Variants in RBFOX1 observed in about 807,000 individuals in gnomAD.
RBFOX1 encodes the protein RNA binding fox-1 homolog 1.
In RBFOX1, 8 loss-of-function variants were observed where a neutral mutation model predicts 57.7. That is an observed-to-expected ratio of 0.14 (90% confidence interval 0.08 to 0.25). The LOEUF (loss-of-function observed/expected upper bound fraction) is 0.25. Among genes scored for constraint, RBFOX1 ranks in the 10% least tolerant of loss-of-function variants. The pLI, the probability that RBFOX1 is intolerant of heterozygous loss-of-function variation, is 1.00. For synonymous variants in RBFOX1, 326 were observed against 222.4 expected (o/e 1.47, Z -4.15); for missense variants, 611 against 548.5 (o/e 1.11, Z -1.14).
intron 14 of RBFOX1, among the ~76,000 whole-genome samples, chr16:7,688,925 GATTA>G (rs371706719): frequency 1.3e-5 from 2 of 152,002 alleles, no homozygotes; most frequent in African/African-American, 4.8e-5. Flanking sequence ...CCTCACTGCT[GATTA>G]AATACCCCCT....
rs557653356 is a variant in RBFOX1, at chr16:7,572,378, G to A, written c.271-7399G>A. Among the ~76,000 whole-genome samples the A allele has an allele frequency of 3.9e-5, 6 of 152,256 alleles. No individual in the cohort carries two copies. The South Asian group carries it at 1.0e-3, about 26-fold the overall frequency. ...CAGATATTTACTGAGAACTTACCAC[G>A]GACTCCAGGTCAGCAGTTTCAAGTG... On this transcript the variant is annotated intron_variant, in intron 5 of 15. Coordinates refer to ENST00000550418, the MANE Select transcript of RBFOX1 (RefSeq NM_018723.4).
At chr16:6,994,395 T>C (rs1461775445) in intron 3 of RBFOX1, among the ~76,000 whole-genome samples, 1 of 152,124 alleles carries the variant, frequency 6.6e-6, no homozygotes, top group African/African-American at 2.4e-5. Flanking sequence ...AAAACATGAA[T>C]AGTGCATGGG....
intron 3 of RBFOX1, among the ~76,000 whole-genome samples, chr16:5,782,308 G>T (rs2054349018): frequency 6.6e-6 from 1 of 152,198 alleles, no homozygotes; most frequent in Non-Finnish European, 1.5e-5. Context: ...ATTTCACAAT[G>T]ACATCTTGGT....
chr16:6,761,762 C>T (rs1195726517), intron 3 of RBFOX1, among the ~76,000 whole-genome samples: 3 of 151,898 alleles, frequency 2.0e-5, no homozygotes, highest in Non-Finnish European at 2.9e-5. Flanking sequence ...GCCTCGGCCC[C>T]CTAAAGTGCT....
chr16:6,764,048 G>A (rs1027399367), intron 3 of RBFOX1, among the ~76,000 whole-genome samples: 1 of 152,178 alleles, frequency 6.6e-6, no homozygotes, highest in Non-Finnish European at 1.5e-5. Flanking sequence ...ATGATAAACT[G>A]TACTTGGGTG....
At chr16:6,050,472 T>C (rs1469760720) in intron 1 of RBFOX1, among the ~76,000 whole-genome samples, 1 of 152,332 alleles carries the variant, frequency 6.6e-6, no homozygotes, top group East Asian at 1.9e-4. Flanking sequence ...CTAGGTCAGA[T>C]GCAAGTTCCA....
At chr16:5,373,588 G>C (rs1449763048) in intron 1 of RBFOX1, among the ~76,000 whole-genome samples, 1 of 151,726 alleles carries the variant, frequency 6.6e-6, no homozygotes, top group Non-Finnish European at 1.5e-5. Context: ...AGAACCGTGA[G>C]CCAGTTAAAC....
At chr16:6,934,231 G>C (rs1468226646) in intron 3 of RBFOX1, among the ~76,000 whole-genome samples, 1 of 152,136 alleles carries the variant, frequency 6.6e-6, no homozygotes, top group Non-Finnish European at 1.5e-5. Context: ...ACTACAGAGC[G>C]GTAACTTGAG....
intron 3 of RBFOX1, among the ~76,000 whole-genome samples, chr16:6,671,082 G>A (rs1411673971): frequency 1.3e-5 from 2 of 152,168 alleles, no homozygotes; most frequent in African/African-American, 2.4e-5. Flanking sequence ...GTACTCATAC[G>A]TATGAACAAC....
At chr16:6,538,887 T>C (rs1418966047) in intron 2 of RBFOX1, among the ~76,000 whole-genome samples, 1 of 152,194 alleles carries the variant, frequency 6.6e-6, no homozygotes, top group Non-Finnish European at 1.5e-5. Context: ...AGGGATTAGC[T>C]CCTCTTTCCA....
intron 3 of RBFOX1, among the ~76,000 whole-genome samples, chr16:6,765,562 G>C (rs543238732): frequency 6.6e-6 from 1 of 152,116 alleles, no homozygotes; most frequent in Admixed American, 6.6e-5. Context: ...ATGTAAATGA[G>C]TACAACCTCT....
intron 3 of RBFOX1, among the ~76,000 whole-genome samples, chr16:5,632,152 T>C (rs532246392): frequency 6.6e-6 from 1 of 152,332 alleles, no homozygotes; most frequent in Admixed American, 6.5e-5. Context: ...GCAGGTAAGC[T>C]ACTTCATATG....
At chr16:5,540,722 C>G (rs1246430300) in intron 2 of RBFOX1, among the ~76,000 whole-genome samples, 1 of 152,148 alleles carries the variant, frequency 6.6e-6, no homozygotes, top group Non-Finnish European at 1.5e-5. Flanking sequence ...TTAAAAACAC[C>G]CTAGTCTTTG....
intron 1 of RBFOX1, among the ~76,000 whole-genome samples, chr16:6,233,677 T>C (rs2097483216): frequency 6.6e-6 from 1 of 152,092 alleles, no homozygotes; most frequent in African/African-American, 2.4e-5. Context: ...AGAGCAATCA[T>C]AGCTCACTGC....
intron 3 of RBFOX1, among the ~76,000 whole-genome samples, chr16:5,730,426 G>A (rs573702067): frequency 6.6e-6 from 1 of 152,278 alleles, no homozygotes; most frequent in African/African-American, 2.4e-5. Context: ...GGAACTGGTT[G>A]TCATTGTGTG....
chr16:7,642,274 G>A (rs924845259), intron 11 of RBFOX1, among the ~76,000 whole-genome samples: 7 of 152,122 alleles, frequency 4.6e-5, no homozygotes, highest in African/African-American at 1.7e-4. Flanking sequence ...GACAGTACCT[G>A]TCCTCCAGGT....
At chr16:7,133,353 T>C (rs2071039158) in intron 4 of RBFOX1, among the ~76,000 whole-genome samples, 1 of 152,220 alleles carries the variant, frequency 6.6e-6, no homozygotes, top group Non-Finnish European at 1.5e-5. Context: ...TTTCTGTAAA[T>C]TAGAACATTC....
intron 3 of RBFOX1, among the ~76,000 whole-genome samples, chr16:7,015,384 C>G (rs2093858372): frequency 1.3e-5 from 2 of 152,072 alleles, no homozygotes; most frequent in African/African-American, 4.8e-5. Flanking sequence ...TCAGAGTTGG[C>G]AAAAACAAAG....
chr16:6,086,283 C>T (rs554445656), intron 1 of RBFOX1, among the ~76,000 whole-genome samples: 77 of 152,264 alleles, frequency 5.1e-4, no homozygotes, highest in Non-Finnish European at 9.8e-4. Flanking sequence ...ATGTCATTTG[C>T]ATGCTAAGTG....
Sources: gnomAD v4.1 joint callset for allele counts (sites outside exome capture counted in the v4.1 genomes callset) on GRCh38, gnomAD v4.1.1 for gene constraint, MANE v1.5 for transcripts, NCBI Gene and HGNC (gene_info 2026-07-23, HGNC 2026-07-21) for gene names.